Variants in SEMA3E observed in about 807,000 individuals in gnomAD.
The protein encoded by SEMA3E is semaphorin 3E.
Under a neutral mutation model 93.6 loss-of-function variants are expected in SEMA3E, and 49 were observed. The ratio of observed to expected loss-of-function variants is 0.52; its 90% confidence interval spans 0.42 to 0.66. The LOEUF is 0.66. SEMA3E is among the 30% of genes least tolerant of loss of function. SEMA3E has a pLI of 0.00. For missense variants in SEMA3E, 906 were observed against 964.8 expected (o/e 0.94, Z 0.81); for synonymous variants, 363 against 330.7 (o/e 1.10, Z -1.06).
chr7:83,456,265 A>G lies in SEMA3E; in HGVS notation c.456+10217T>C, dbSNP rs116007553. On this transcript the variant is annotated intron_variant, in intron 4 of 16. Transcript: ENST00000643230. ...TCTTATTGTCTGAGCATCTACATTCAACACATAATTTCCATTTTCTTTGAG... is the reference window on the plus strand; with the variant it reads ...TCTTATTGTCTGAGCATCTACATTCGACACATAATTTCCATTTTCTTTGAG... Among the ~76,000 whole-genome samples the G allele has an allele frequency of 4.1e-3, 627 of 152,334 alleles. 6 individuals carry two copies. The highest frequency in any genetic ancestry group is 0.014 in the African/African-American group (569 of 41,578).
intron 1 of SEMA3E, among the ~76,000 whole-genome samples, chr7:83,520,893 G>A (rs1791030749): frequency 6.6e-6 from 1 of 152,142 alleles, no homozygotes; most frequent in Non-Finnish European, 1.5e-5. Context: ...CAGCATTGCT[G>A]GCTGGCTCCC....
chr7:83,487,683 G>A (rs1334422997), intron 2 of SEMA3E, among the ~76,000 whole-genome samples: 1 of 3,300 alleles, frequency 3.0e-4, no homozygotes, highest in Non-Finnish European at 1.1e-3. Flanking sequence ...GCAGGAGGTC[G>A]TGTGTGTGTG....
intron 5 of SEMA3E, among the ~76,000 whole-genome samples, chr7:83,417,591 C>T (rs758281888): frequency 6.6e-6 from 1 of 152,068 alleles, no homozygotes; most frequent in Non-Finnish European, 1.5e-5. Context: ...TCTCTCAACG[C>T]TGAGGGAAGA....
intron 1 of SEMA3E, among the ~76,000 whole-genome samples, chr7:83,523,277 T>C (rs750442069): frequency 6.6e-6 from 1 of 152,026 alleles, no homozygotes; most frequent in Non-Finnish European, 1.5e-5. Flanking sequence ...GACTGAACAG[T>C]TTTTACTCGT....
intron 16 of SEMA3E, among the ~76,000 whole-genome samples, chr7:83,375,686 T>C (rs748091862): frequency 8.5e-5 from 13 of 152,058 alleles, no homozygotes; most frequent in Non-Finnish European, 1.5e-4. Flanking sequence ...TTTAATCAGA[T>C]GCACAAAGCT....
chr7:83,552,612 A>T (rs952050712), intron 1 of SEMA3E, among the ~76,000 whole-genome samples: 2 of 152,130 alleles, frequency 1.3e-5, no homozygotes, highest in African/African-American at 4.8e-5. Flanking sequence ...AAGAAATATT[A>T]TTATTAATAC....
rs2115853667 is a variant in SEMA3E, at chr7:83,460,154, T to C, written c.456+6328A>G. On this transcript the variant is annotated intron_variant, in intron 4 of 16. Coordinates refer to ENST00000643230, the MANE Select transcript of SEMA3E (RefSeq NM_012431.3). The stretch of plus-strand genomic sequence containing the variant: ...CGTGATTCAGATCGGGGGACCTCCC[T>C]TGGGAGATCAATTCCCTGTCCTCCT... 1.3e-5 allele frequency among the ~76,000 whole-genome samples: 2 copies of C among 152,302 alleles called. 1 individual carries two copies. The highest frequency in any genetic ancestry group is 1.3e-4 in the Admixed American group (2 of 15,290).
At chr7:83,602,658 AG>A (rs1793021989) in intron 1 of SEMA3E, among the ~76,000 whole-genome samples, 1 of 152,116 alleles carries the variant, frequency 6.6e-6, no homozygotes. Flanking sequence ...TCGTATTTTT[AG>A]TAGAAACGGG....
At chr7:83,475,348 C>T (rs975211217) in intron 2 of SEMA3E, among the ~76,000 whole-genome samples, 3 of 152,024 alleles carry the variant, frequency 2.0e-5, no homozygotes, top group African/African-American at 4.8e-5. Context: ...CATCTTTTGA[C>T]GGCTTTTGTT....
At chr7:83,443,079 C>A (rs1789151981) in intron 4 of SEMA3E, among the ~76,000 whole-genome samples, 1 of 152,024 alleles carries the variant, frequency 6.6e-6, no homozygotes, top group African/African-American at 2.4e-5. Context: ...AATGGTAAAG[C>A]CAGAACAAGT....
intron 16 of SEMA3E, among the ~76,000 whole-genome samples, chr7:83,384,615 C>T (rs923028991): frequency 1.2e-4 from 18 of 151,980 alleles, no homozygotes; most frequent in Admixed American, 1.2e-3. Flanking sequence ...ATGCCCTGGA[C>T]TCTTTCTATA....
intron 1 of SEMA3E, among the ~76,000 whole-genome samples, chr7:83,638,359 T>C (rs1443814915): frequency 6.6e-6 from 1 of 152,182 alleles, no homozygotes; most frequent in Non-Finnish European, 1.5e-5. Context: ...GTAAGCGACA[T>C]CTAATTTCAT....
intron 4 of SEMA3E, among the ~76,000 whole-genome samples, chr7:83,428,467 G>A (rs761327920): frequency 2.0e-5 from 3 of 152,134 alleles, no homozygotes; most frequent in Non-Finnish European, 4.4e-5. Context: ...GTGCAGTATT[G>A]TTACACAATG....
intron 2 of SEMA3E, among the ~76,000 whole-genome samples, chr7:83,482,034 G>A (rs1350483362): frequency 6.6e-6 from 1 of 152,084 alleles, no homozygotes; most frequent in African/African-American, 2.4e-5. Context: ...TCAGTTTAGA[G>A]GTAGAGCCTA....
At chr7:83,598,736 T>A (rs970454318) in intron 1 of SEMA3E, among the ~76,000 whole-genome samples, 5 of 152,172 alleles carry the variant, frequency 3.3e-5, no homozygotes, top group Non-Finnish European at 4.4e-5. Flanking sequence ...CACTAAGATA[T>A]TTACCACAAG....
At chr7:83,509,550 C>G (rs966649344) in intron 1 of SEMA3E, among the ~76,000 whole-genome samples, 1 of 152,048 alleles carries the variant, frequency 6.6e-6, no homozygotes, top group South Asian at 2.1e-4. Context: ...CAAAACAAAA[C>G]AAAAACAAAC....
At chr7:83,616,801 T>C (rs1793376587) in intron 1 of SEMA3E, 2 of 423,436 alleles carry the variant, frequency 4.7e-6, no homozygotes, top group East Asian at 1.5e-4. Flanking sequence ...CTCCTCTCAC[T>C]ACAACCTCCA....
chr7:83,567,796 A>C (rs916793249), intron 1 of SEMA3E, among the ~76,000 whole-genome samples: 2 of 152,028 alleles, frequency 1.3e-5, no homozygotes, highest in African/African-American at 4.8e-5. Context: ...AGTCTACATC[A>C]AAAAAGTACA....
chr7:83,612,071 C>T (rs1793277529), intron 1 of SEMA3E, among the ~76,000 whole-genome samples: 1 of 152,086 alleles, frequency 6.6e-6, no homozygotes, highest in South Asian at 2.1e-4. Context: ...GCTTTCCTTC[C>T]AGGTTTCCAA....
Sources: gnomAD v4.1 joint callset for allele counts (sites outside exome capture counted in the v4.1 genomes callset) on GRCh38, gnomAD v4.1.1 for gene constraint, MANE v1.5 for transcripts, NCBI Gene and HGNC (gene_info 2026-07-23, HGNC 2026-07-21) for gene names.